The following FBN1 variants were observed in gnomAD, a reference collection of about 807,000 sequenced individuals.
FBN1 encodes the protein fibrillin 1, also known as fibrillin-1.
Under a neutral mutation model 365.1 loss-of-function variants are expected in FBN1, and 29 were observed. That is an observed-to-expected ratio of 0.08 (90% CI 0.06 to 0.11). FBN1 has a LOEUF of 0.11. FBN1 is among the 10% of genes least tolerant of loss of function. FBN1 has a pLI of 1.00. For missense variants in FBN1, 2,476 were observed against 3,703.2 expected (o/e 0.67, Z 8.60); for synonymous variants, 1,210 against 1,270.5 (o/e 0.95, Z 1.01).
intron 60 of FBN1, among the ~76,000 whole-genome samples, chr15:48,424,582 C>T (rs1566892492): frequency 6.6e-6 from 1 of 152,240 alleles, no homozygotes; most frequent in African/African-American, 2.4e-5. Context: ...CCTTTACCTT[C>T]CTTACTTCTG....
At chr15:48,414,615 G>A (rs1212851999) in intron 64 of FBN1, among the ~76,000 whole-genome samples, 3 of 151,492 alleles carry the variant, frequency 2.0e-5, no homozygotes, top group Non-Finnish European at 2.9e-5. Flanking sequence ...AGGCCTTCCC[G>A]GCCGGGTACA....
At chr15:48,419,983 C>A (rs2042927613) in intron 63 of FBN1, among the ~76,000 whole-genome samples, 1 of 152,210 alleles carries the variant, frequency 6.6e-6, no homozygotes, top group African/African-American at 2.4e-5. Flanking sequence ...ATTACCGTCC[C>A]TTTCTGGACT....
At position 48,611,611 on chromosome 15, in the gene FBN1, A is replaced by C. The variant is rs557571812; in HGVS notation, c.248-785T>G. On this transcript the variant is annotated intron_variant, in intron 3 of 65. Transcript: ENST00000316623. Reference sequence around the variant, plus strand: ...TTATCCTGTTCTGAATTCCATCAACAGTCTGAGAGAAGAATGCTGGAATCT... The same window carrying C: ...TTATCCTGTTCTGAATTCCATCAACCGTCTGAGAGAAGAATGCTGGAATCT... 2.6e-5 allele frequency among the ~76,000 whole-genome samples: 4 copies of C among 152,256 alleles called. No individual in the cohort carries two copies. The East Asian group carries it at 5.8e-4, about 22-fold the overall frequency.
At chr15:48,581,636 T>C (rs986781399) in intron 6 of FBN1, among the ~76,000 whole-genome samples, 1 of 152,136 alleles carries the variant, frequency 6.6e-6, no homozygotes, top group Non-Finnish European at 1.5e-5. Context: ...TTTGAAATTT[T>C]AAAAATGGAC....
intron 15 of FBN1, 105 bp from the exon 16 acceptor site, chr15:48,505,252 T>C (rs2141317639): frequency 7.3e-7 from 1 of 1,371,958 alleles, no homozygotes; most frequent in Non-Finnish European, 1.0e-6. Flanking sequence ...AGATAGGAAA[T>C]AATATGCAGC....
intron 6 of FBN1, among the ~76,000 whole-genome samples, chr15:48,593,485 TTC>T (rs1356342942): frequency 6.6e-6 from 1 of 152,244 alleles, no homozygotes; most frequent in African/African-American, 2.4e-5. Context: ...AAGATCATTC[TTC>T]TGAAAGATGG....
chr15:48,623,968 AACACACACAC>A (rs145521473), intron 2 of FBN1, among the ~76,000 whole-genome samples: 6 of 146,398 alleles, frequency 4.1e-5, no homozygotes, highest in Non-Finnish European at 6.0e-5. Context: ...CAAAGACACA[AACACACACAC>A]ACACACACAC....
intron 63 of FBN1, 121 bp downstream of exon 63, chr15:48,420,566 G>T: frequency 1.5e-6 from 2 of 1,351,196 alleles, no homozygotes; most frequent in Non-Finnish European, 1.1e-6. Context: ...ACCAGGTTAG[G>T]GCAATTTTAA....
At chr15:48,421,497 G>C in intron 62 of FBN1, 61 bp downstream of exon 62, 15 of 1,592,006 alleles carry the variant, frequency 9.4e-6, no homozygotes, top group Non-Finnish European at 1.3e-5. Flanking sequence ...GGTGCCAATA[G>C]CCACACAGGC....
At chr15:48,534,542 C>T (rs144205504) in intron 7 of FBN1, among the ~76,000 whole-genome samples, 9 of 152,276 alleles carry the variant, frequency 5.9e-5, no homozygotes, top group East Asian at 1.9e-4. Flanking sequence ...CCATTATTCA[C>T]GGCCTCATTT....
intron 45 of FBN1, among the ~76,000 whole-genome samples, chr15:48,451,700 CTAATATACAATGAT>C (rs917183513): frequency 1.3e-5 from 2 of 151,996 alleles, no homozygotes; most frequent in African/African-American, 4.8e-5. Flanking sequence ...TTCTTCCTGA[CTAATATACAATGAT>C]TTGCTTTGCT....
At position 48,445,487 on chromosome 15, in the gene FBN1, T is replaced by C. The variant is rs869025409; in HGVS notation, c.5806A>G (p.Ser1936Gly). The C allele has an allele frequency of 1.2e-6, 2 of 1,612,658 alleles. No homozygotes were observed. The highest frequency in any genetic ancestry group is 1.7e-6 in the Non-Finnish European group (2 of 1,179,010). ...NDCIDVDECA[S>G]GNGNLCRNGQ... ...TTTCTGCAAAGATTCCCATTTCCAC[T>C]TGCACATTCATCAACATCTGCAGAA... Residue 1936 changes from serine to glycine, a missense_variant, in exon 48 of 66, where the codon AGT (serine) becomes GGT (glycine). Physicochemically the swap from Ser to Gly is moderately conservative, Grantham distance 56. Coordinates refer to ENST00000316623, the MANE Select transcript of FBN1 (RefSeq NM_000138.5).
At chr15:48,561,957 T>C (rs557541329) in intron 6 of FBN1, among the ~76,000 whole-genome samples, 5 of 152,300 alleles carry the variant, frequency 3.3e-5, no homozygotes, top group South Asian at 4.1e-4. Flanking sequence ...GAGGAACTTA[T>C]TGAAACGCAA....
intron 35 of FBN1, 133 bp downstream of exon 35, chr15:48,472,418 A>T (rs2043383304): frequency 7.8e-7 from 1 of 1,274,080 alleles, no homozygotes; most frequent in Non-Finnish European, 1.1e-6. Context: ...TACAAACTGA[A>T]CTGACCAGCT....
rs1450569564 is a variant in FBN1, at chr15:48,421,721, A to G, written c.7571-35T>C. The G allele has an allele frequency of 1.9e-6, 3 of 1,608,008 alleles. No homozygotes were observed. The Admixed American group carries it at 5.0e-5, about 27-fold the overall frequency. On this transcript the variant is annotated intron_variant, in intron 61 of 65. Coordinates refer to ENST00000316623, the MANE Select transcript of FBN1 (RefSeq NM_000138.5). ...GCAGTGGGGGCAAAGAGGGGTTAAA[A>G]TTCCCCAAAGCTCTCTTTGTATCAT...
At chr15:48,630,172 A>G (rs574987011) in intron 2 of FBN1, among the ~76,000 whole-genome samples, 1 of 152,240 alleles carries the variant, frequency 6.6e-6, no homozygotes, top group South Asian at 2.1e-4. Context: ...TCATTTTCAT[A>G]AAGACATTTT....
intron 4 of FBN1, 33 bp from the exon 5 acceptor site, chr15:48,600,267 A>T: frequency 6.7e-7 from 1 of 1,502,790 alleles, no homozygotes; most frequent in Non-Finnish European, 9.3e-7. Context: ...TCACTTTTGC[A>T]ACTTAAATGC....
chr15:48,541,733 T>A (rs1039872439), intron 6 of FBN1, among the ~76,000 whole-genome samples: 1 of 151,250 alleles, frequency 6.6e-6, no homozygotes, highest in Non-Finnish European at 1.5e-5. Context: ...TACTCTTTTT[T>A]TTTTTTTTTT....
At chr15:48,563,023 G>A (rs2140659345) in intron 6 of FBN1, among the ~76,000 whole-genome samples, 1 of 152,272 alleles carries the variant, frequency 6.6e-6, no homozygotes, top group South Asian at 2.1e-4. Context: ...CCTTAGCACA[G>A]ACTATGTCTT....
Sources: gnomAD v4.1 joint callset for allele counts (sites outside exome capture counted in the v4.1 genomes callset) on GRCh38, gnomAD v4.1.1 for gene constraint, MANE v1.5 for transcripts, NCBI Gene and HGNC (gene_info 2026-07-23, HGNC 2026-07-21) for gene names.